Variants in TEX2 observed in about 807,000 individuals in gnomAD.
The protein encoded by TEX2 is testis-expressed protein 2.
TEX2 carries 53 observed loss-of-function variants against 106.9 expected under a neutral mutation model. The observed-to-expected ratio is 0.50, with a 90% confidence interval of 0.40 to 0.62. The LOEUF is 0.62. Among genes scored for constraint, TEX2 ranks in the 20% least tolerant of loss-of-function variants. TEX2 has a pLI of 0.00. For missense variants in TEX2, 1,207 were observed against 1,379.0 expected (o/e 0.88, Z 1.98); for synonymous variants, 523 against 534.8 (o/e 0.98, Z 0.30).
chr17:64,261,777 T>C (rs2034291222), intron 1 of TEX2, among the ~76,000 whole-genome samples: 1 of 152,160 alleles, frequency 6.6e-6, no homozygotes, highest in East Asian at 1.9e-4. Context: ...CCACATCACC[T>C]CAGGGGGCTT....
chr17:64,167,689 G>A (rs999091349), intron 7 of TEX2, among the ~76,000 whole-genome samples: 6 of 152,064 alleles, frequency 3.9e-5, no homozygotes, highest in Non-Finnish European at 8.8e-5. Context: ...CATGGTGGCA[G>A]GTGCCTGTAA....
chr17:64,166,245 G>A (rs2031131238), intron 7 of TEX2, among the ~76,000 whole-genome samples: 1 of 152,244 alleles, frequency 6.6e-6, no homozygotes, highest in African/African-American at 2.4e-5. Context: ...TGCTCCGAGT[G>A]CTTTACACGT....
At chr17:64,168,908 T>TTTTTTTC (rs2031268007) in intron 7 of TEX2, among the ~76,000 whole-genome samples, 1 of 148,744 alleles carries the variant, frequency 6.7e-6, no homozygotes, top group African/African-American at 2.5e-5. Context: ...GGTGCTTTTT[T>TTTTTTTC]TTTTTTTTTT....
rs1419817200 is a variant in TEX2 at position 64,212,833 on chromosome 17, A to G, written c.1385T>C (p.Val462Ala). ...DGVVLDSEDE[V>A]DSAVQHPELP... Reference sequence around the variant, plus strand: ...TTCCGGGTGCTGCACGGCCGAGTCCACCTCGTCCTCACTGTCAAGGACCAC... The same window carrying G: ...TTCCGGGTGCTGCACGGCCGAGTCCGCCTCGTCCTCACTGTCAAGGACCAC... The change falls in exon 2 of 12, where the codon GTG becomes GCG. Residue 462 changes from valine (V) to alanine (A), a missense_variant. Physicochemically the swap from Val to Ala is moderately conservative, Grantham distance 64. Around this residue, in one of 3 missense-constraint regions of TEX2, gnomAD observed 1,067 missense variants for 1,193.6 expected, o/e 0.89. Coordinates refer to ENST00000584379, the MANE Select transcript of TEX2 (RefSeq NM_001288732.2). 1 of 1,613,898 alleles carries G rather than the reference A, an allele frequency of 6.2e-7. No individual in the cohort carries two copies. Among genetic ancestry groups the G allele is most frequent in the East Asian group, 2.2e-5 (1 of 44,892 alleles).
At chr17:64,204,750 A>T (rs2143982581) in intron 2 of TEX2, among the ~76,000 whole-genome samples, 1 of 152,326 alleles carries the variant, frequency 6.6e-6, no homozygotes, top group Non-Finnish European at 1.5e-5. Flanking sequence ...ATTGAACAAT[A>T]ATTACAATAA....
chr17:64,221,513 T>C (rs1302250098), intron 1 of TEX2, among the ~76,000 whole-genome samples: 1 of 152,162 alleles, frequency 6.6e-6, no homozygotes, highest in Non-Finnish European at 1.5e-5. Context: ...CCCACATCCA[T>C]TAGGATGACT....
intron 2 of TEX2, among the ~76,000 whole-genome samples, chr17:64,206,298 G>A (rs1387505453): frequency 6.6e-6 from 1 of 152,192 alleles, no homozygotes. Context: ...TCTTTGCCTT[G>A]AGCTAACCTG....
chr17:64,239,277 A>C (rs2033833995), intron 1 of TEX2: 1 of 152,238 alleles, frequency 6.6e-6, no homozygotes, highest in African/African-American at 2.4e-5. Flanking sequence ...GCAATTAAGC[A>C]GTTATGTTCT....
chr17:64,213,968 C>A lies in TEX2; in HGVS notation c.250G>T (p.Asp84Tyr), dbSNP rs2033108802. Residue 84 changes from aspartate to tyrosine, a missense_variant, in exon 2 of 12, where the codon GAC becomes TAC. Physicochemically the swap from Asp to Tyr is radical, Grantham distance 160. Coordinates refer to ENST00000584379, the MANE Select transcript of TEX2 (RefSeq NM_001288732.2). The surrounding 1 kb of genome is among the most constrained non-coding windows in gnomAD (Gnocchi z 4.4). Reference sequence around the variant, plus strand: ...GGCGAGGCAGCAGGGCCGGCGGGGTCATGGCCAACTTGGGGTTCAAGATAG... The same window carrying A: ...GGCGAGGCAGCAGGGCCGGCGGGGTAATGGCCAACTTGGGGTTCAAGATAG... ...DLYLEPQVGH[D>Y]PAGPAASPVL... The A allele has an allele frequency of 1.2e-6, 2 of 1,614,174 alleles. No individual in the cohort carries two copies. Among genetic ancestry groups the A allele is most frequent in the Non-Finnish European group, 1.7e-6 (2 of 1,180,038 alleles).
chr17:64,211,398 T>C (rs1475168521), intron 2 of TEX2, among the ~76,000 whole-genome samples: 3 of 152,182 alleles, frequency 2.0e-5, no homozygotes, highest in Non-Finnish European at 1.5e-5. Flanking sequence ...TATAAAGCAG[T>C]GGTCTCTAAA....
intron 2 of TEX2, 101 bp downstream of exon 2, chr17:64,212,473 G>T: frequency 1.8e-6 from 2 of 1,134,688 alleles, no homozygotes; most frequent in Non-Finnish European, 2.5e-6. Context: ...AACACGGCCT[G>T]TGCAAAAATC....
chr17:64,210,531 T>C (rs1179294453), intron 2 of TEX2, among the ~76,000 whole-genome samples: 1 of 152,086 alleles, frequency 6.6e-6, no homozygotes, highest in Admixed American at 6.6e-5. Context: ...TCCTGTGTTT[T>C]TAAAACATTA....
intron 2 of TEX2, among the ~76,000 whole-genome samples, chr17:64,201,648 C>A (rs116598035): frequency 6.6e-6 from 1 of 152,102 alleles, no homozygotes; most frequent in African/African-American, 2.4e-5. Context: ...CATGGCACGG[C>A]CCCACCTGCA....
chr17:64,196,982 ATTTTT>A (rs59960456), intron 2 of TEX2, among the ~76,000 whole-genome samples: 41 of 63,572 alleles, frequency 6.4e-4, no homozygotes, highest in African/African-American at 8.2e-4. Flanking sequence ...TCAAATCAAG[ATTTTT>A]TTTTTTTTTT....
chr17:64,259,585 G>C (rs1264392021), intron 1 of TEX2, among the ~76,000 whole-genome samples: 2 of 152,208 alleles, frequency 1.3e-5, no homozygotes, highest in African/African-American at 4.8e-5. Context: ...CCAAAGGATA[G>C]TGCTCTAGGC....
chr17:64,262,453 T>C (rs1555638696), intron 1 of TEX2, among the ~76,000 whole-genome samples: 2 of 152,374 alleles, frequency 1.3e-5, no homozygotes, highest in African/African-American at 2.4e-5. Flanking sequence ...CCGTACGCTC[T>C]AGGCAGCGTG....
At chr17:64,149,285 G>A (rs769990592) in intron 11 of TEX2, 194 bp from the exon 12 acceptor site, 3 of 575,550 alleles carry the variant, frequency 5.2e-6, no homozygotes, top group South Asian at 2.2e-5. Flanking sequence ...GCATGGATAC[G>A]AGAATCCTCT....
At chr17:64,199,987 C>G (rs1555629882) in intron 2 of TEX2, among the ~76,000 whole-genome samples, 4 of 152,192 alleles carry the variant, frequency 2.6e-5, no homozygotes. Context: ...TTATTAGATG[C>G]TTTGCATAAT....
intron 2 of TEX2, among the ~76,000 whole-genome samples, chr17:64,202,740 T>C (rs1555630234): frequency 6.6e-6 from 1 of 152,222 alleles, no homozygotes; most frequent in South Asian, 2.1e-4. Context: ...GGCATATAGA[T>C]AGCAACATTC....
Sources: allele counts gnomAD v4.1 joint callset (sites outside exome capture counted in the v4.1 genomes callset), GRCh38; gene constraint gnomAD v4.1.1; regional missense constraint gnomAD v4.1.1; non-coding constraint Gnocchi (gnomAD v3.1); transcripts MANE v1.5; gene names NCBI Gene and HGNC (gene_info 2026-07-23, HGNC 2026-07-21).